The following LCORL variants were observed in gnomAD, a reference collection of about 807,000 sequenced individuals.
LCORL encodes ligand-dependent nuclear receptor corepressor-like protein.
In LCORL, 41 loss-of-function variants were observed where a neutral mutation model predicts 141.8. The observed-to-expected ratio is 0.29, with a 90% CI of 0.23 to 0.38. The LOEUF (loss-of-function observed/expected upper bound fraction) is 0.38. LCORL is among the 10% of genes least tolerant of loss of function. The pLI is 1.00. For missense variants in LCORL, 1,759 were observed against 2,035.0 expected (o/e 0.86, Z 2.61); for synonymous variants, 618 against 694.1 (o/e 0.89, Z 1.72).
chr4:17,876,060 GTA>G lies in LCORL; in HGVS notation c.2928_2929del (p.Thr977PhefsTer16). On this transcript the variant is annotated frameshift_variant, in exon 7 of 8. Transcript: ENST00000635767. LOFTEE classifies it high-confidence loss of function. ...ATGGGAAGTGCCAACTGAAGTTAAAGTATATTTGACCCCTTCACTACTTTTAA... is the reference window on the plus strand; with the variant it reads ...ATGGGAAGTGCCAACTGAAGTTAAAGTATTTGACCCCTTCACTACTTTTAA... The G allele has an allele frequency of 8.1e-7, 1 of 1,230,986 alleles. No homozygotes were observed. Among genetic ancestry groups the G allele is most frequent in the Non-Finnish European group, 1.0e-6 (1 of 987,186 alleles). The allele number at this position is 1,230,986 out of a possible 1,614,324, so 76.3% of individuals were successfully genotyped here.
chr4:17,934,524 T>A (rs559335745), intron 4 of LCORL, among the ~76,000 whole-genome samples: 1 of 152,268 alleles, frequency 6.6e-6, no homozygotes, highest in South Asian at 2.1e-4. Context: ...ACTGTATAAT[T>A]CATAAAGCTT....
chr4:17,906,290 T>C (rs1388264586), intron 5 of LCORL, among the ~76,000 whole-genome samples: 1 of 152,198 alleles, frequency 6.6e-6, no homozygotes, highest in African/African-American at 2.4e-5. Context: ...AATCTGATCT[T>C]GTTACTTTCA....
At chr4:17,843,214 T>TGTGA (rs1722593810) in exon 8 of LCORL, 17 of 1,407,950 alleles carry the variant, frequency 1.2e-5, no homozygotes, top group Non-Finnish European at 1.6e-5. Context: ...ACTGATAGAA[T>TGTGA]GTGAGTCAGA....
At chr4:17,875,691 G>A in exon 7 of LCORL, 1 of 1,231,308 alleles carries the variant, frequency 8.1e-7, no homozygotes, top group Non-Finnish European at 1.0e-6. Flanking sequence ...TTTAGGCTTT[G>A]GTGGTCTTCC....
chr4:17,888,233 TAG>T (rs1040613950), intron 5 of LCORL, among the ~76,000 whole-genome samples: 6 of 152,134 alleles, frequency 3.9e-5, no homozygotes, highest in African/African-American at 1.4e-4. Flanking sequence ...TCAGTGTGGC[TAG>T]AGGTTAGAGT....
chr4:17,901,651 T>A (rs1730901959), intron 5 of LCORL, among the ~76,000 whole-genome samples: 1 of 152,082 alleles, frequency 6.6e-6, no homozygotes, highest in African/African-American at 2.4e-5. Flanking sequence ...GACTCTAAAT[T>A]TTTTATATTA....
chr4:17,882,902 T>C (rs1727766312), intron 6 of LCORL: 15 of 960,288 alleles, frequency 1.6e-5, no homozygotes, highest in South Asian at 4.8e-5. Context: ...CCTTACACAT[T>C]AGCTTATTTT....
chr4:17,891,987 A>T (rs1729147812), intron 5 of LCORL, among the ~76,000 whole-genome samples: 1 of 152,198 alleles, frequency 6.6e-6, no homozygotes, highest in African/African-American at 2.4e-5. Flanking sequence ...TAGCAAAAAA[A>T]TCAACAAAGT....
At chr4:18,011,326 C>T (rs1723741296) in intron 1 of LCORL, among the ~76,000 whole-genome samples, 1 of 151,886 alleles carries the variant, frequency 6.6e-6, no homozygotes, top group Non-Finnish European at 1.5e-5. Flanking sequence ...TTAATTTGAG[C>T]TTCTTAAAAC....
chr4:18,017,431 C>T (rs911427268), intron 1 of LCORL, among the ~76,000 whole-genome samples: 1 of 151,908 alleles, frequency 6.6e-6, no homozygotes, highest in African/African-American at 2.4e-5. Context: ...TGAGGAATAC[C>T]AGCTTAACAA....
intron 4 of LCORL, among the ~76,000 whole-genome samples, chr4:17,921,174 C>T (rs1430395001): frequency 6.6e-6 from 1 of 151,618 alleles, no homozygotes. Context: ...CAGGCACACA[C>T]CACCACACCT....
At chr4:17,848,844 G>T (rs930409215) in intron 7 of LCORL, among the ~76,000 whole-genome samples, 6 of 152,196 alleles carry the variant, frequency 3.9e-5, no homozygotes, top group Non-Finnish European at 8.8e-5. Flanking sequence ...GTGCTTTTCC[G>T]ACGGGCTTAA....
intron 7 of LCORL, among the ~76,000 whole-genome samples, chr4:17,857,778 C>T (rs974877727): frequency 1.5e-4 from 23 of 152,178 alleles, no homozygotes; most frequent in African/African-American, 5.6e-4. Flanking sequence ...ACAAAATCAT[C>T]CCTGGTTGTA....
At chr4:17,948,396 G>GA (rs1328673855) in intron 4 of LCORL, among the ~76,000 whole-genome samples, 1 of 151,858 alleles carries the variant, frequency 6.6e-6, no homozygotes, top group Non-Finnish European at 1.5e-5. Context: ...CTAAGTACTA[G>GA]AAAAAAATGA....
At chr4:18,015,718 T>A (rs1724530008) in intron 1 of LCORL, among the ~76,000 whole-genome samples, 1 of 151,534 alleles carries the variant, frequency 6.6e-6, no homozygotes, top group African/African-American at 2.4e-5. Context: ...ATGGCAACAG[T>A]GACAAGATGA....
intron 6 of LCORL, chr4:17,881,829 T>C (rs1169533562): frequency 2.0e-5 from 20 of 984,022 alleles, no homozygotes; most frequent in Non-Finnish European, 2.3e-5. Flanking sequence ...ATATGTACTT[T>C]ACCTTTAACT....
At chr4:17,887,300 A>C (rs756249818) in intron 5 of LCORL, among the ~76,000 whole-genome samples, 36 of 152,206 alleles carry the variant, frequency 2.4e-4, no homozygotes, top group Non-Finnish European at 3.5e-4. Flanking sequence ...AATTCATACA[A>C]CACCACAACC....
intron 4 of LCORL, among the ~76,000 whole-genome samples, chr4:17,922,700 C>A (rs1466304513): frequency 2.6e-5 from 4 of 152,062 alleles, no homozygotes; most frequent in African/African-American, 4.8e-5. Context: ...CACACAGCCT[C>A]GCAAGGTATC....
chr4:17,974,274 T>C (rs1157029332), intron 1 of LCORL, among the ~76,000 whole-genome samples: 1 of 152,138 alleles, frequency 6.6e-6, no homozygotes, highest in Non-Finnish European at 1.5e-5. Flanking sequence ...CTACTATCTC[T>C]CTTCCGCATT....
Sources: allele counts gnomAD v4.1 joint callset (sites outside exome capture counted in the v4.1 genomes callset), GRCh38; gene constraint gnomAD v4.1.1; transcripts MANE v1.5; gene names NCBI Gene and HGNC (gene_info 2026-07-23, HGNC 2026-07-21).